SMG9: variants seen among roughly 807,000 people sequenced by gnomAD.
The protein encoded by SMG9 is SMG9 nonsense mediated mRNA decay factor, also known as nonsense-mediated mRNA decay factor SMG9.
A neutral mutation model predicts 64.0 loss-of-function variants in SMG9; 55 were observed. That is an observed-to-expected ratio of 0.86 (90% confidence interval 0.69 to 1.08). The LOEUF is 1.08. SMG9 is among the 50% of genes least tolerant of loss of function. SMG9 has a pLI of 0.00. For missense variants in SMG9, 554 were observed against 681.3 expected (o/e 0.81, Z 2.08); for synonymous variants, 244 against 254.8 (o/e 0.96, Z 0.41).
intron 9 of SMG9, chr19:43,734,727 T>A (rs1968602451): frequency 7.2e-6 from 3 of 419,468 alleles, no homozygotes; most frequent in Non-Finnish European, 8.5e-6. Context: ...ATTTTTTTTT[T>A]AAAGGCTATT....
chr19:43,736,948 G>A (rs1398452453), intron 9 of SMG9, among the ~76,000 whole-genome samples: 1 of 152,192 alleles, frequency 6.6e-6, no homozygotes, highest in Non-Finnish European at 1.5e-5. Flanking sequence ...CTGGGCTGCA[G>A]GAAGAACAGC....
rs1378619044 is a variant in SMG9 at position 43,754,740 on chromosome 19, C to G, written c.-93G>C. 6.6e-6 allele frequency: 1 copy of G among 152,184 alleles called. No individual in the cohort carries two copies. Among genetic ancestry groups the G allele is most frequent in the Non-Finnish European group, 1.5e-5 (1 of 68,044 alleles). The allele number at this position is 152,184 out of a possible 1,614,324, so 9.4% of individuals were successfully genotyped here. A position where few individuals can be genotyped will look rare whatever the true frequency, so the allele number is the denominator to read the frequency against. On this transcript the variant is annotated 5_prime_UTR_variant, in exon 1 of 14. Coordinates refer to ENST00000270066, the MANE Select transcript of SMG9 (RefSeq NM_019108.4). ...GTGGGGGCGGGGAGGCTGACCCAAG[C>G]CACCCGCCTGCAAATGGCGTCTGGG...
At chr19:43,737,299 A>AAAG (rs1968701844) in intron 9 of SMG9, among the ~76,000 whole-genome samples, 1 of 118,020 alleles carries the variant, frequency 8.5e-6, no homozygotes, top group Non-Finnish European at 1.9e-5. Context: ...AATAAATAAA[A>AAAG]ATAAAGGGAG....
intron 1 of SMG9, among the ~76,000 whole-genome samples, chr19:43,752,948 GA>G (rs530599076): frequency 1.4e-3 from 208 of 143,572 alleles, no homozygotes; most frequent in Admixed American, 4.4e-3. Context: ...ACAGTTTGCT[GA>G]CCCTTGCTTA....
At position 43,747,814 on chromosome 19, in the gene SMG9, T is replaced by C; in HGVS notation, c.309A>G (p.Pro103=). Residue 103 remains proline (P), a synonymous_variant, in exon 4 of 14, where the codon CCA becomes CCG. Transcript: ENST00000270066. ...CCACAGGCCCCTTCCCCTCCTCCCG[T>C]GGCTTCATGAGAACGATGGGCTTCT... ...PLEKPIVLMK[P]REEGKGPVAV... 1.2e-6 allele frequency: 2 copies of C among 1,605,140 alleles called. No individual in the cohort carries two copies. Among genetic ancestry groups the C allele is most frequent in the Non-Finnish European group, 1.7e-6 (2 of 1,175,308 alleles).
chr19:43,739,312 AC>A (rs1837149732), intron 7 of SMG9, among the ~76,000 whole-genome samples: 3 of 152,220 alleles, frequency 2.0e-5, no homozygotes, highest in Non-Finnish European at 4.4e-5. Flanking sequence ...TTAGGACTTT[AC>A]TTGCATCGAT....
rs781323153 is a variant in SMG9, at chr19:43,738,231, G to A, written c.814-14C>T. 3 of 1,611,884 alleles carry A rather than the reference G, an allele frequency of 1.9e-6. No individual in the cohort carries two copies. The highest frequency in any genetic ancestry group is 2.5e-6 in the Non-Finnish European group (3 of 1,177,958). ...GCTCAGGATGGGCTGCAGCAAGGAAGAGAACAGAGTGTCACTCAGATACCC... is the reference window on the plus strand; with the variant it reads ...GCTCAGGATGGGCTGCAGCAAGGAAAAGAACAGAGTGTCACTCAGATACCC... On this transcript the variant is annotated splice_polypyrimidine_tract_variant and intron_variant, in intron 7 of 13. Coordinates refer to ENST00000270066, the MANE Select transcript of SMG9 (RefSeq NM_019108.4).
At chr19:43,734,593 A>T in intron 9 of SMG9, 98 bp from the exon 10 acceptor site, 1 of 740,608 alleles carries the variant, frequency 1.4e-6, no homozygotes, top group Non-Finnish European at 2.3e-6. Flanking sequence ...TGAAAGCTAC[A>T]GCCATGCTCA....
At chr19:43,731,755 G>A in intron 13 of SMG9, 81 bp from the exon 14 acceptor site, 1 of 1,559,912 alleles carries the variant, frequency 6.4e-7, no homozygotes. Context: ...TGGAGAAACT[G>A]AGGCCCCTTT....
chr19:43,740,013 T>A (rs1443060112), intron 7 of SMG9, 94 bp downstream of exon 7: 1 of 918,366 alleles, frequency 1.1e-6, no homozygotes, highest in Middle Eastern at 2.2e-4. Context: ...TGGAAGCACA[T>A]GGAATCCACG....
chr19:43,748,651 C>T (rs775587987), intron 2 of SMG9: 2 of 520,086 alleles, frequency 3.8e-6, no homozygotes, highest in Admixed American at 3.9e-5. Flanking sequence ...GATCCCAAGC[C>T]TTGACCTCTT....
chr19:43,733,541 T>C (rs2146359720), intron 11 of SMG9, 85 bp downstream of exon 11: 1 of 1,607,604 alleles, frequency 6.2e-7, no homozygotes, highest in South Asian at 1.1e-5. Flanking sequence ...ATCAGGAGAC[T>C]AGTCTGGGGG....
Position 43,733,007 on chromosome 19 carries a change from A to G in SMG9, c.1340-5T>C, listed in dbSNP as rs750812146. 5.0e-6 allele frequency: 8 copies of G among 1,606,678 alleles called. No homozygotes were observed. The highest frequency in any genetic ancestry group is 1.3e-5 in the African/African-American group (1 of 74,596). ...AGAGTGGGCTGGAACCAGGTCCTGG[A>G]AAGTTGGGGCAGGGAGGGTAAGAGG... On this transcript the variant is annotated splice_polypyrimidine_tract_variant and splice_region_variant and intron_variant, in intron 12 of 13. Transcript: ENST00000270066.
intron 10 of SMG9, chr19:43,734,044 AGAG>A: frequency 3.8e-6 from 2 of 532,714 alleles, no homozygotes; most frequent in East Asian, 3.1e-5. Context: ...TGCAAAGGCT[AGAG>A]GAGGGAGAAC....
chr19:43,728,830 T>C lies in SMG9; in HGVS notation c.*2766A>G, dbSNP rs952328923. On this transcript the variant is annotated 3_prime_UTR_variant, in exon 14 of 14. Transcript: ENST00000270066. ...TGAGCGGTGCTCATGTTTCCTGCAG[T>C]GGAGGGTGAGAAGGATACCAATGTA... The C allele has an allele frequency of 1.8e-5, 4 of 221,098 alleles. No homozygotes were observed. The highest frequency in any genetic ancestry group is 3.0e-5 in the Non-Finnish European group (4 of 131,248). 13.7% of individuals were successfully genotyped at this position (221,098 alleles called of 1,614,324 possible).
chr19:43,748,125 T>C, intron 2 of SMG9, 73 bp from the exon 3 acceptor site: 3 of 1,501,606 alleles, frequency 2.0e-6, no homozygotes, highest in Non-Finnish European at 2.7e-6. Context: ...CCATGAACTA[T>C]TCTAAATGCC....
chr19:43,750,864 G>A (rs748567031), intron 1 of SMG9, 117 bp from the exon 2 acceptor site: 79 of 959,922 alleles, frequency 8.2e-5, no homozygotes, highest in Non-Finnish European at 9.2e-5. Flanking sequence ...TCTCTCTGTC[G>A]CCCAGGCTGG....
intron 6 of SMG9, 94 bp downstream of exon 6, chr19:43,744,678 T>C: frequency 1.1e-5 from 9 of 834,660 alleles, no homozygotes; most frequent in Non-Finnish European, 1.7e-5. Context: ...TCCAAAGTCC[T>C]TTGGTAACAC....
chr19:43,745,947 G>C (rs1968987501), intron 5 of SMG9, among the ~76,000 whole-genome samples: 1 of 152,144 alleles, frequency 6.6e-6, no homozygotes, highest in African/African-American at 2.4e-5. Context: ...GTTGCGGTGA[G>C]CCGAGATCGT....
Sources: allele counts gnomAD v4.1 joint callset (sites outside exome capture counted in the v4.1 genomes callset), GRCh38; gene constraint gnomAD v4.1.1; transcripts MANE v1.5; gene names NCBI Gene and HGNC (gene_info 2026-07-23, HGNC 2026-07-21).